The following ITPK1 variants were observed in gnomAD, a reference collection of about 807,000 sequenced individuals.
The protein encoded by ITPK1 is inositol-tetrakisphosphate 1-kinase, also known as inositol 1,3,4-trisphosphate 5/6-kinase.
ITPK1 carries 21 observed loss-of-function variants against 45.3 expected under a neutral mutation model. The observed-to-expected ratio is 0.46, with a 90% CI of 0.33 to 0.67. The LOEUF (loss-of-function observed/expected upper bound fraction) is 0.67, where lower values mean the gene tolerates loss of function less well. Ranked by LOEUF, ITPK1 falls within the 30% of genes least tolerant of loss-of-function variation. The probability of loss-of-function intolerance (pLI) is 0.02; values close to 1 mark genes in which losing one functional copy is unlikely to be tolerated. For missense variants in ITPK1, 474 were observed against 573.5 expected (o/e 0.83, Z 1.77); for synonymous variants, 258 against 253.6 (o/e 1.02, Z -0.16).
intron 2 of ITPK1, among the ~76,000 whole-genome samples, chr14:93,083,574 A>G (rs1891528507): frequency 6.6e-6 from 1 of 151,576 alleles, no homozygotes; most frequent in Admixed American, 6.6e-5. Flanking sequence ...AAATAACAAG[A>G]CCCTTTGGCA....
At chr14:92,981,934 A>C (rs1427030554) in intron 5 of ITPK1, among the ~76,000 whole-genome samples, 1 of 152,236 alleles carries the variant, frequency 6.6e-6, no homozygotes, top group East Asian at 1.9e-4. Flanking sequence ...AGAGTATTCC[A>C]GATAGGCAGA....
At position 92,956,758 on chromosome 14, in the gene ITPK1, T is replaced by C. The variant is rs529425114; in HGVS notation, c.670+1443A>G. Among the ~76,000 whole-genome samples the C allele has an allele frequency of 7.2e-5, 11 of 152,350 alleles. No homozygotes were observed. In the East Asian group the frequency reaches 2.1e-3, roughly 29 times the overall value. ...TATATTTTCCATAGACTTAAAGCAT[T>C]ATTATTTTCTTAAATCAGGGAATAA... On this transcript the variant is annotated intron_variant, in intron 8 of 10. Transcript: ENST00000267615.
At chr14:92,992,822 T>G (rs1886855327) in intron 5 of ITPK1, among the ~76,000 whole-genome samples, 1 of 152,254 alleles carries the variant, frequency 6.6e-6, no homozygotes. Context: ...GCATGTCTGC[T>G]AACCTCTCAG....
chr14:92,998,699 G>A (rs533434533), intron 4 of ITPK1, among the ~76,000 whole-genome samples: 2 of 152,244 alleles, frequency 1.3e-5, no homozygotes, highest in South Asian at 4.2e-4. Context: ...TGGGAGGCAG[G>A]TAATCAGATC....
At position 92,993,937 on chromosome 14, in the gene ITPK1, G is replaced by C; in HGVS notation, c.307C>G (p.Leu103Val). 1 of 1,614,082 alleles carries C rather than the reference G, an allele frequency of 6.2e-7. No homozygotes were observed. Among genetic ancestry groups the C allele is most frequent in the Non-Finnish European group, 8.5e-7 (1 of 1,179,976 alleles). ...VLDPLPAIRT[L>V]LDRSKSYELI... Reference sequence around the variant, plus strand: ...TCATAGGACTTGGAGCGGTCAAGCAGGGTTCTGATGGCAGGGAGCGGGTCC... The same window carrying C: ...TCATAGGACTTGGAGCGGTCAAGCACGGTTCTGATGGCAGGGAGCGGGTCC... The change falls in exon 5 of 11, where the codon CTG (leucine) becomes GTG (valine). Residue 103 changes from leucine (L) to valine (V), a missense_variant. Physicochemically the swap from Leu to Val is conservative, Grantham distance 32. Transcript: ENST00000267615.
chr14:92,951,670 G>A (rs562786051), intron 9 of ITPK1, among the ~76,000 whole-genome samples: 122 of 152,232 alleles, frequency 8.0e-4, no homozygotes, highest in African/African-American at 2.8e-3. Flanking sequence ...TTCTGTGTGG[G>A]CAGCTTGCAG....
intron 2 of ITPK1, among the ~76,000 whole-genome samples, chr14:93,094,213 G>A (rs544990962): frequency 2.6e-4 from 40 of 152,346 alleles, no homozygotes; most frequent in African/African-American, 9.6e-4. Flanking sequence ...GCAGTTCCTT[G>A]GAGCAGGGGA....
intron 5 of ITPK1, among the ~76,000 whole-genome samples, chr14:92,992,813 C>T (rs904817664): frequency 1.1e-4 from 17 of 152,332 alleles, no homozygotes; most frequent in Non-Finnish European, 2.5e-4. Context: ...CGTGACGTGG[C>T]ATGTCTGCTA....
intron 2 of ITPK1, among the ~76,000 whole-genome samples, chr14:93,078,728 C>T (rs1891323940): frequency 1.3e-5 from 2 of 152,176 alleles, no homozygotes; most frequent in South Asian, 4.1e-4. Flanking sequence ...CAACCTGCAC[C>T]GTTTCTGAGC....
At chr14:93,103,799 C>T (rs1892416965) in intron 2 of ITPK1, among the ~76,000 whole-genome samples, 1 of 152,196 alleles carries the variant, frequency 6.6e-6, no homozygotes, top group Non-Finnish European at 1.5e-5. Context: ...CAGCCCAGCC[C>T]TTGACTGTTG....
At chr14:93,040,895 C>T (rs1015611376) in intron 3 of ITPK1, among the ~76,000 whole-genome samples, 4 of 152,182 alleles carry the variant, frequency 2.6e-5, no homozygotes, top group African/African-American at 9.7e-5. Context: ...TTCACCTCAC[C>T]AAGGCCCCGT....
At chr14:92,980,907 T>G (rs1245662471) in intron 5 of ITPK1, among the ~76,000 whole-genome samples, 1 of 152,204 alleles carries the variant, frequency 6.6e-6, no homozygotes, top group African/African-American at 2.4e-5. Flanking sequence ...AAGGTTTCAC[T>G]ATATTGGTCA....
chr14:93,094,957 T>C (rs941538), intron 2 of ITPK1, among the ~76,000 whole-genome samples: 9,264 of 152,292 alleles, frequency 0.061, 551 homozygotes, highest in African/African-American at 0.14. Flanking sequence ...TACCTGTCCG[T>C]GAGCGAGCTC....
In ITPK1 at chr14:93,111,178, C is replaced by A. The variant is rs191043244; in HGVS notation, c.95+3891G>T. 4.0e-3 allele frequency among the ~76,000 whole-genome samples: 610 copies of A among 152,248 alleles called. 13 individuals carry two copies. Among genetic ancestry groups the A allele is most frequent in the Non-Finnish European group, 7.6e-4 (52 of 68,022 alleles). ...CCCAAATTTTATATGGAAAGCTTCA[C>A]CAAGTCATGTGCCTCTTCCGCCCCC... On this transcript the variant is annotated intron_variant, in intron 2 of 10. Coordinates refer to ENST00000267615, the MANE Select transcript of ITPK1 (RefSeq NM_014216.6).
chr14:92,952,124 C>T (rs755028777), intron 8 of ITPK1, 111 bp from the exon 9 acceptor site: 21 of 864,058 alleles, frequency 2.4e-5, no homozygotes, highest in East Asian at 1.3e-4. Context: ...ACGTGGCCCC[C>T]GGCTCTGCAG....
At chr14:93,114,633 T>C (rs1350675378) in intron 2 of ITPK1, among the ~76,000 whole-genome samples, 2 of 152,054 alleles carry the variant, frequency 1.3e-5, no homozygotes, top group Admixed American at 1.3e-4. Flanking sequence ...GCGGGGCACA[T>C]AGTAGGTGGT....
intron 3 of ITPK1, among the ~76,000 whole-genome samples, chr14:93,030,681 C>T (rs1888996349): frequency 3.3e-5 from 5 of 152,096 alleles, no homozygotes; most frequent in Admixed American, 3.3e-4. Flanking sequence ...GAAAGGGGGG[C>T]ACTCGTCAGA....
At chr14:93,005,858 G>A (rs1242577232) in intron 4 of ITPK1, among the ~76,000 whole-genome samples, 1 of 152,178 alleles carries the variant, frequency 6.6e-6, no homozygotes, top group Non-Finnish European at 1.5e-5. Flanking sequence ...TGGTAAAAAG[G>A]ACAGGGAGGC....
chr14:92,941,630 G>A lies in ITPK1; in HGVS notation c.1176C>T (p.Asn392=), dbSNP rs1301668030. 2.1e-5 allele frequency: 33 copies of A among 1,538,520 alleles called. No homozygotes were observed. The highest frequency in any genetic ancestry group is 1.0e-4 in the Admixed American group (5 of 49,600). The change falls in exon 11 of 11, where the codon AAC becomes AAT. Residue 392 remains asparagine (N), a synonymous_variant. Transcript: ENST00000267615. ...GCTGGAAGCTGGGCGACACGCCGGC[G>A]TTGCAGCCGAGTCTCTGGTGCGGCA... is the stretch of plus-strand genomic sequence containing the variant. The part of the protein sequence containing the change: ...AKLPHQRLGC[N]AGVSPSFQQH...
Sources: gnomAD v4.1 joint callset for allele counts (sites outside exome capture counted in the v4.1 genomes callset) on GRCh38, gnomAD v4.1.1 for gene constraint, MANE v1.5 for transcripts, NCBI Gene and HGNC (gene_info 2026-07-23, HGNC 2026-07-21) for gene names.